Variants in NF2 observed in about 807,000 individuals in gnomAD.
NF2 encodes merlin.
A neutral mutation model predicts 83.7 loss-of-function variants in NF2; 8 were observed. The observed-to-expected ratio is 0.10, with a 90% CI of 0.06 to 0.17. NF2 has a LOEUF of 0.17. Among genes scored for constraint, NF2 ranks in the 10% least tolerant of loss-of-function variants. The pLI is 1.00. For missense variants in NF2, 533 were observed against 744.4 expected (o/e 0.72, Z 3.31); for synonymous variants, 266 against 269.6 (o/e 0.99, Z 0.13).
At chr22:29,655,472 G>T in intron 5 of NF2, 122 bp from the exon 6 acceptor site, 1 of 762,008 alleles carries the variant, frequency 1.3e-6, no homozygotes, top group East Asian at 2.6e-5. Context: ...CTATCTCCCT[G>T]GGTGTAGCTT....
In NF2 at chr22:29,671,837, G is replaced by A. The variant is rs2147071333; in HGVS notation, c.1011G>A (p.Gln337=). 1 of 1,614,062 alleles carries A rather than the reference G, an allele frequency of 6.2e-7. No individual in the cohort carries two copies. The part of the protein sequence containing the change: ...EEKARKQMER[Q]RLAREKQMRE... ...TTCACCCCTCGCAGATGGAGCGGCA[G>A]CGCCTCGCTCGAGAGAAGCAGATGA... is the stretch of plus-strand genomic sequence containing the variant. Residue 337 remains glutamine, a synonymous_variant, in exon 11 of 16, where the codon CAG becomes CAA. Coordinates refer to ENST00000338641, the MANE Select transcript of NF2 (RefSeq NM_000268.4).
intron 1 of NF2, among the ~76,000 whole-genome samples, chr22:29,624,204 TTTTGTTTTGTTTG>T (rs1257408432): frequency 6.6e-6 from 1 of 152,112 alleles, no homozygotes; most frequent in East Asian, 1.9e-4. Context: ...ATAGGGTTTT[TTTTGTTTTGTTTG>T]TTTGTTTTTA....
Position 29,671,888 on chromosome 22 carries a change from T to G in NF2, c.1062T>G (p.Asp354Glu). Residue 354 changes from aspartate (D) to glutamate (E), a missense_variant, in exon 11 of 16, where the codon GAT becomes GAG. Coordinates refer to ENST00000338641, the MANE Select transcript of NF2 (RefSeq NM_000268.4). ...GGGAGGAGGCTGAACGCACGAGGGA[T>G]GAGTTGGAGAGGAGGCTGCTGCAGA... ...QMREEAERTRDELERRLLQMK... is the reference protein window; with the variant it reads ...QMREEAERTREELERRLLQMK... The G allele has an allele frequency of 6.2e-7, 1 of 1,614,010 alleles. No individual in the cohort carries two copies. Among genetic ancestry groups the G allele is most frequent in the South Asian group, 1.1e-5 (1 of 91,072 alleles).
At chr22:29,655,703 A>T (rs1163881267) in intron 6 of NF2, 27 bp downstream of exon 6, 5 of 1,523,904 alleles carry the variant, frequency 3.3e-6, no homozygotes, top group Non-Finnish European at 4.5e-6. Context: ...GTTGGTTTAC[A>T]TTCCTTTATG....
In NF2 at chr22:29,639,113, G is replaced by C. The variant is rs2146870206; in HGVS notation, c.264G>C (p.Lys88Asn). Residue 88 changes from lysine (K) to asparagine (N), a missense_variant, in exon 3 of 16, where the codon AAG (lysine) becomes AAC (asparagine). This residue lies in a region of NF2 where 326 missense variants were observed against 475.1 expected (regional missense o/e 0.69). Transcript: ENST00000338641. ...AGGTACTGGATCATGATGTTTCAAA[G>C]GAAGAACCAGTCACCTTTCACTTCT... ...DKKVLDHDVSKEEPVTFHFLA... is the reference protein window; with the variant it reads ...DKKVLDHDVSNEEPVTFHFLA... 6.2e-7 allele frequency: 1 copy of C among 1,614,180 alleles called. No individual in the cohort carries two copies. Among genetic ancestry groups the C allele is most frequent in the Non-Finnish European group, 8.5e-7 (1 of 1,180,016 alleles).
At chr22:29,644,890 C>T (rs981679083) in intron 4 of NF2, among the ~76,000 whole-genome samples, 3 of 151,640 alleles carry the variant, frequency 2.0e-5, no homozygotes, top group Admixed American at 1.3e-4. Flanking sequence ...AGCTTTGGCT[C>T]GGCATGAGAG....
At chr22:29,689,056 G>A (rs1178709861) in intron 15 of NF2, among the ~76,000 whole-genome samples, 1 of 151,890 alleles carries the variant, frequency 6.6e-6, no homozygotes, top group African/African-American at 2.4e-5. Flanking sequence ...GCATGCGCCT[G>A]TAGTTCCAGC....
chr22:29,683,551 T>C (rs529617286), intron 15 of NF2: 38 of 1,112,966 alleles, frequency 3.4e-5, no homozygotes, highest in Non-Finnish European at 4.1e-5. Flanking sequence ...AAAGGGTTGC[T>C]TGTGCTGGCT....
chr22:29,642,676 AC>A (rs1327715875), intron 4 of NF2, among the ~76,000 whole-genome samples: 1 of 151,944 alleles, frequency 6.6e-6, no homozygotes, highest in African/African-American at 2.4e-5. Flanking sequence ...ATGTGGTACA[AC>A]CTTTCTATTA....
chr22:29,650,864 A>G (rs1158968777), intron 4 of NF2, among the ~76,000 whole-genome samples: 1 of 152,176 alleles, frequency 6.6e-6, no homozygotes. Context: ...CGGCCTCTCA[A>G]AGTGCTGGGA....
At chr22:29,649,824 A>C (rs2066093887) in intron 4 of NF2, among the ~76,000 whole-genome samples, 1 of 152,008 alleles carries the variant, frequency 6.6e-6, no homozygotes, top group South Asian at 2.1e-4. Flanking sequence ...ATTTGATAGC[A>C]CAACAGGGTG....
At chr22:29,615,530 C>T (rs949299391) in intron 1 of NF2, among the ~76,000 whole-genome samples, 1 of 152,170 alleles carries the variant, frequency 6.6e-6, no homozygotes. Flanking sequence ...GACTGCACCA[C>T]TGCACCTCCA....
intron 14 of NF2, among the ~76,000 whole-genome samples, chr22:29,681,170 T>C (rs1157516861): frequency 6.6e-6 from 1 of 151,982 alleles, no homozygotes. Context: ...GGATTACAGG[T>C]GGAGCCACCG....
chr22:29,604,032 A>C lies in NF2; in HGVS notation c.34A>C (p.Ser12Arg). 6.2e-7 allele frequency: 1 copy of C among 1,600,920 alleles called. No homozygotes were observed. The highest frequency in any genetic ancestry group is 8.5e-7 in the Non-Finnish European group (1 of 1,173,990). The stretch of plus-strand genomic sequence containing the variant: ...GGCCATCGCTTCCCGCATGAGCTTC[A>C]GCTCTCTCAAGAGGAAGCAACCCAA... ...AGAIASRMSF[S>R]SLKRKQPKTF... Residue 12 changes from serine (S) to arginine (R), a missense_variant, in exon 1 of 16, where the codon AGC becomes CGC. Transcript: ENST00000338641.
chr22:29,610,855 A>G (rs2064935113), intron 1 of NF2, among the ~76,000 whole-genome samples: 2 of 152,314 alleles, frequency 1.3e-5, no homozygotes, highest in Non-Finnish European at 2.9e-5. Flanking sequence ...AACCAGGAAA[A>G]GACATTACAA....
At chr22:29,657,040 G>C (rs1382596763) in intron 6 of NF2, among the ~76,000 whole-genome samples, 1 of 150,812 alleles carries the variant, frequency 6.6e-6, no homozygotes, top group Non-Finnish European at 1.5e-5. Context: ...AAACTTAAGT[G>C]CAACATGCAT....
chr22:29,630,855 C>T (rs943730464), intron 1 of NF2, among the ~76,000 whole-genome samples: 1 of 152,154 alleles, frequency 6.6e-6, no homozygotes, highest in African/African-American at 2.4e-5. Flanking sequence ...CTTTTGGCAA[C>T]CTGTTGAGGA....
intron 15 of NF2, among the ~76,000 whole-genome samples, chr22:29,685,092 T>G (rs1256462530): frequency 6.6e-6 from 1 of 151,602 alleles, no homozygotes; most frequent in Non-Finnish European, 1.5e-5. Flanking sequence ...CTTGCTAATC[T>G]GGGATCAAAC....
chr22:29,641,310 G>A (rs542312189), intron 3 of NF2, among the ~76,000 whole-genome samples: 9 of 152,210 alleles, frequency 5.9e-5, no homozygotes, highest in East Asian at 1.9e-4. Context: ...GTGTTTGAAC[G>A]TAAACACCTA....
Sources: allele counts gnomAD v4.1 joint callset (sites outside exome capture counted in the v4.1 genomes callset), GRCh38; gene constraint gnomAD v4.1.1; regional missense constraint gnomAD v4.1.1; transcripts MANE v1.5; gene names NCBI Gene and HGNC (gene_info 2026-07-23, HGNC 2026-07-21).